The following AKAP8L variants were observed in gnomAD, a reference collection of about 807,000 sequenced individuals.
The protein encoded by AKAP8L is A-kinase anchoring protein 8 like, also known as A-kinase anchor protein 8-like.
A neutral mutation model predicts 77.5 loss-of-function variants in AKAP8L; 34 were observed. The ratio of observed to expected loss-of-function variants is 0.44; its 90% CI spans 0.33 to 0.58. AKAP8L has a LOEUF of 0.58. AKAP8L is among the 20% of genes least tolerant of loss of function. The probability of loss-of-function intolerance (pLI) is 0.02; values close to 1 mark genes in which losing one functional copy is unlikely to be tolerated. For synonymous variants in AKAP8L, 342 were observed against 340.7 expected, an observed-to-expected ratio of 1.00 and a Z score of -0.04; for missense variants, 806 against 887.6, an observed-to-expected ratio of 0.91 and a Z score of 1.17.
chr19:15,406,104 G>A (rs552633237), intron 2 of AKAP8L, among the ~76,000 whole-genome samples: 50 of 152,176 alleles, frequency 3.3e-4, no homozygotes, highest in African/African-American at 1.0e-3. Flanking sequence ...ACCACTTTAC[G>A]TTTTAAGGAC....
chr19:15,400,392 G>A (rs375899307), intron 7 of AKAP8L, 34 bp from the exon 8 acceptor site: 408 of 1,547,798 alleles, frequency 2.6e-4, no homozygotes, highest in Non-Finnish European at 3.5e-4. Flanking sequence ...TAAAACAGGT[G>A]CCTTTTTTTT....
At chr19:15,409,825 G>C (rs1195562634) in intron 2 of AKAP8L, among the ~76,000 whole-genome samples, 1 of 152,198 alleles carries the variant, frequency 6.6e-6, no homozygotes, top group African/African-American at 2.4e-5. Context: ...GCTGGCTTGA[G>C]GTGGCCTGGC....
rs1967698307 is a variant in AKAP8L, at chr19:15,393,110, C to G, written c.1536+4040G>C. Among the ~76,000 whole-genome samples, 3 of 151,890 alleles carry G rather than the reference C, an allele frequency of 2.0e-5. No individual in the cohort carries two copies. The South Asian group carries it at 6.2e-4, about 32-fold the overall frequency. The stretch of plus-strand genomic sequence containing the variant: ...AAAACAGTCTCTTTCATTTCTTTTT[C>G]AAATGGTGCCGGAACAACTTAATAT... On this transcript the variant is annotated intron_variant, in intron 12 of 13. Transcript: ENST00000397410.
rs1287183602 is a variant in AKAP8L at position 15,380,242 on chromosome 19, G to GGGC, written c.1818_1820dup (p.Pro608dup). ...CGGCGCCCTCCTCCTCCTCCTCTGG[G>GGGC]GGCGGCGGCGGTGGCGGCGACACGG... On this transcript the variant is annotated inframe_insertion, in exon 14 of 14. Coordinates refer to ENST00000397410, the MANE Select transcript of AKAP8L (RefSeq NM_014371.4). 2 of 1,500,020 alleles carry GGGC rather than the reference G, an allele frequency of 1.3e-6. No homozygotes were observed. Among genetic ancestry groups the GGGC allele is most frequent in the Non-Finnish European group, 8.8e-7 (1 of 1,134,722 alleles). The allele number at this position is 1,500,020 out of a possible 1,614,324, so 92.9% of individuals were successfully genotyped here.
In AKAP8L at chr19:15,401,514, G is replaced by A; in HGVS notation, c.452C>T (p.Pro151Leu). ...RSGYDYSELD[P>L]EMEMAYEGQY... is the part of the protein sequence containing the mutation. Reference sequence around the variant, plus strand: ...GCCCTCATAGGCCATTTCCATCTCAGGGTCAAGCTCGCTGTAGTCATAGCC... The same window carrying A: ...GCCCTCATAGGCCATTTCCATCTCAAGGTCAAGCTCGCTGTAGTCATAGCC... Residue 151 changes from proline to leucine, a missense_variant, in exon 5 of 14, where the codon CCT (proline) becomes CTT (leucine). By Grantham distance (98) the Pro-to-Leu change is moderately conservative. This residue lies in a region of AKAP8L where 580 missense variants were observed against 694.1 expected (regional missense o/e 0.84). Transcript: ENST00000397410. The surrounding 1 kb of genome is among the most constrained non-coding windows in gnomAD (Gnocchi z 6.2). 6.2e-7 allele frequency: 1 copy of A among 1,613,850 alleles called. No homozygotes were observed. The highest frequency in any genetic ancestry group is 1.1e-5 in the South Asian group (1 of 91,084).
chr19:15,387,181 A>G (rs1967556804), intron 12 of AKAP8L, among the ~76,000 whole-genome samples: 1 of 152,266 alleles, frequency 6.6e-6, no homozygotes, highest in African/African-American at 2.4e-5. Context: ...CCAAGACCGG[A>G]GGCTACAGCC....
intron 2 of AKAP8L, among the ~76,000 whole-genome samples, chr19:15,404,596 A>G (rs1400924159): frequency 6.6e-6 from 1 of 152,242 alleles, no homozygotes; most frequent in African/African-American, 2.4e-5. Flanking sequence ...TCAGTAACAT[A>G]AAGCCACTGA....
intron 12 of AKAP8L, among the ~76,000 whole-genome samples, chr19:15,390,083 T>A (rs1339741417): frequency 6.6e-6 from 1 of 151,452 alleles, no homozygotes; most frequent in Non-Finnish European, 1.5e-5. Flanking sequence ...ATATACCCTA[T>A]AACAAGTGGA....
Position 15,401,288 on chromosome 19 carries a change from G to A in AKAP8L, c.678C>T (p.Ile226=), listed in dbSNP as rs770719199. The A allele has an allele frequency of 1.9e-6, 3 of 1,613,746 alleles. No individual in the cohort carries two copies. Among genetic ancestry groups the A allele is most frequent in the Admixed American group, 1.7e-5 (1 of 60,026 alleles). ...SRLPSLFSQN[I]IPEYGMFQGM... is the part of the protein sequence containing the mutation. Reference sequence around the variant, plus strand: ...CCTGGAACATGCCGTACTCGGGGATGATGTTCTGGGAGAAGAGGGAGGGCA... The same window carrying A: ...CCTGGAACATGCCGTACTCGGGGATAATGTTCTGGGAGAAGAGGGAGGGCA... Residue 226 remains isoleucine (I), a synonymous_variant, in exon 5 of 14, where the codon ATC becomes ATT. Transcript: ENST00000397410. The surrounding 1 kb of genome is among the most constrained non-coding windows in gnomAD (Gnocchi z 6.2).
chr19:15,399,107 C>A lies in AKAP8L; in HGVS notation c.1157+195G>T, dbSNP rs1412328174. ...CCCACAGACGCCAGCGGTCGCCAGG[C>A]GGCCGCAGAGGGGCAGGGGATGAGT... On this transcript the variant is annotated intron_variant, in intron 9 of 13. Coordinates refer to ENST00000397410, the MANE Select transcript of AKAP8L (RefSeq NM_014371.4). The surrounding 1 kb of genome is among the most constrained non-coding windows in gnomAD (Gnocchi z 6.1). The A allele has an allele frequency of 3.3e-6, 2 of 600,224 alleles. No homozygotes were observed. Among genetic ancestry groups the A allele is most frequent in the East Asian group, 5.8e-5 (2 of 34,500 alleles). The allele number at this position is 600,224 out of a possible 1,614,324, so 37.2% of individuals were successfully genotyped here. A position where few individuals can be genotyped will look rare whatever the true frequency, so the allele number is the denominator to read the frequency against.
rs374774414 is a variant in AKAP8L, at chr19:15,400,277, C to T, written c.1048+18G>A. Reference sequence around the variant, plus strand: ...CTGGAAGAGCCGCCCTAGCACCAGGCACCCCAGGAAAACTCACCCTTCTCT... The same window carrying T: ...CTGGAAGAGCCGCCCTAGCACCAGGTACCCCAGGAAAACTCACCCTTCTCT... On this transcript the variant is annotated intron_variant, in intron 8 of 13. Transcript: ENST00000397410. 8 of 1,613,624 alleles carry T rather than the reference C, an allele frequency of 5.0e-6. No homozygotes were observed. The African/African-American group carries it at 5.3e-5, about 11-fold the overall frequency.
intron 12 of AKAP8L, among the ~76,000 whole-genome samples, chr19:15,390,931 C>G (rs1253766325): frequency 6.6e-6 from 1 of 152,138 alleles, no homozygotes; most frequent in African/African-American, 2.4e-5. Flanking sequence ...TCAAGGGCAC[C>G]TATGAAAAAC....
intron 12 of AKAP8L, among the ~76,000 whole-genome samples, chr19:15,382,687 CTGGGCACAG>C (rs1462245488): frequency 6.6e-6 from 1 of 152,182 alleles, no homozygotes; most frequent in East Asian, 1.9e-4. Flanking sequence ...TCAGATTTTA[CTGGGCACAG>C]TGTCTCGTGC....
chr19:15,413,993 T>C (rs974035494), intron 1 of AKAP8L, among the ~76,000 whole-genome samples: 2 of 151,938 alleles, frequency 1.3e-5, no homozygotes, highest in South Asian at 2.1e-4. Flanking sequence ...TGTTCCACAA[T>C]ACCATCTGCA....
intron 4 of AKAP8L, among the ~76,000 whole-genome samples, chr19:15,402,631 C>A (rs1967922199): frequency 6.6e-6 from 1 of 152,254 alleles, no homozygotes; most frequent in Non-Finnish European, 1.5e-5. Context: ...CACCCTGCCA[C>A]CACAGCCCTG....
intron 1 of AKAP8L, among the ~76,000 whole-genome samples, chr19:15,418,224 TCTAAGCTG>T (rs754788645): frequency 6.6e-6 from 1 of 152,212 alleles, no homozygotes; most frequent in Non-Finnish European, 1.5e-5. Flanking sequence ...GATCCTCGCC[TCTAAGCTG>T]CTTGAGGAAT....
intron 12 of AKAP8L, among the ~76,000 whole-genome samples, chr19:15,382,945 T>A (rs1967450078): frequency 6.6e-6 from 1 of 152,216 alleles, no homozygotes; most frequent in Admixed American, 6.5e-5. Flanking sequence ...GGTCCAAAAT[T>A]TTCTTTTCCA....
Position 15,385,279 on chromosome 19 carries a change from T to G in AKAP8L, c.1537-4667A>C, listed in dbSNP as rs149731071. On this transcript the variant is annotated intron_variant, in intron 12 of 13. Coordinates refer to ENST00000397410, the MANE Select transcript of AKAP8L (RefSeq NM_014371.4). ...GGCGTGAGCCACCGCGCCCGGCCTT[T>G]CATGCCATTCTCTTGCCTCAGCCTC... Among the ~76,000 whole-genome samples the G allele has an allele frequency of 1.3e-3, 198 of 151,456 alleles. 3 individuals are homozygous for G. The East Asian group carries it at 0.025, about 19-fold the overall frequency.
At chr19:15,414,645 C>T (rs904499578) in intron 1 of AKAP8L, among the ~76,000 whole-genome samples, 2 of 152,090 alleles carry the variant, frequency 1.3e-5, no homozygotes, top group African/African-American at 4.8e-5. Flanking sequence ...CCTGCCACCA[C>T]GCCTGGCTAA....
Sources: allele counts gnomAD v4.1 joint callset (sites outside exome capture counted in the v4.1 genomes callset), GRCh38; gene constraint gnomAD v4.1.1; regional missense constraint gnomAD v4.1.1; non-coding constraint Gnocchi (gnomAD v3.1); transcripts MANE v1.5; gene names NCBI Gene and HGNC (gene_info 2026-07-23, HGNC 2026-07-21).